Variants in PABPC4L observed in about 807,000 individuals in gnomAD.
The protein encoded by PABPC4L is polyadenylate-binding protein 4-like.
For synonymous variants in PABPC4L, 169 were observed against 164.1 expected (o/e 1.03, Z -0.23); for missense variants, 452 against 451.4 (o/e 1.00, Z -0.01).
the PABPC4L span, among the ~76,000 whole-genome samples, chr4:133,949,267 T>C: frequency 6.6e-6 from 1 of 152,220 alleles, no homozygotes; most frequent in Non-Finnish European, 1.5e-5. Flanking sequence ...TAAATATTTG[T>C]CTGCTTATGA....
chr4:134,190,009 G>A, the PABPC4L span, among the ~76,000 whole-genome samples: 1 of 152,070 alleles, frequency 6.6e-6, no homozygotes, highest in Non-Finnish European at 1.5e-5. Flanking sequence ...CTGCTCCTGG[G>A]AAAGCTCCGG....
the PABPC4L span, among the ~76,000 whole-genome samples, chr4:134,068,015 T>C: frequency 6.6e-6 from 1 of 152,172 alleles, no homozygotes; most frequent in East Asian, 1.9e-4. Flanking sequence ...GGCAGAGTGC[T>C]CTTTAGATAT....
intron 1 of PABPC4L, among the ~76,000 whole-genome samples, 190 bp downstream of exon 1, chr4:134,201,528 G>GCGC (rs1237489062): frequency 9.9e-5 from 15 of 152,112 alleles, no homozygotes; most frequent in Admixed American, 5.2e-4. Context: ...GGTTCTGCAG[G>GCGC]CGCCGCCGCC....
the PABPC4L span, among the ~76,000 whole-genome samples, chr4:134,027,634 T>A: frequency 6.6e-6 from 1 of 152,276 alleles, no homozygotes; most frequent in East Asian, 1.9e-4. Flanking sequence ...TTGTATTTTT[T>A]ATTTTTTGAG....
the PABPC4L span, among the ~76,000 whole-genome samples, chr4:133,957,003 A>G: frequency 6.6e-6 from 1 of 152,132 alleles, no homozygotes; most frequent in African/African-American, 2.4e-5. Flanking sequence ...TGGGGACACA[A>G]TCAAACCATA....
the PABPC4L span, among the ~76,000 whole-genome samples, chr4:134,135,251 A>G: frequency 6.6e-6 from 1 of 152,032 alleles, no homozygotes; most frequent in Admixed American, 6.6e-5. Context: ...GTAAGTGAGC[A>G]AGTTTTCTGG....
the PABPC4L span, among the ~76,000 whole-genome samples, chr4:133,965,451 C>G: frequency 1.3e-5 from 2 of 151,662 alleles, no homozygotes; most frequent in African/African-American, 4.8e-5. Context: ...TCTTTCTTCA[C>G]AGAAAGAAAA....
At chr4:134,170,892 G>A in the PABPC4L span, among the ~76,000 whole-genome samples, 1 of 152,126 alleles carries the variant, frequency 6.6e-6, no homozygotes, top group African/African-American at 2.4e-5. Flanking sequence ...TCTTTTAAGT[G>A]CTTTGAGATA....
the PABPC4L span, among the ~76,000 whole-genome samples, chr4:134,118,360 T>C: frequency 1.3e-5 from 2 of 151,844 alleles, no homozygotes; most frequent in African/African-American, 2.4e-5. Flanking sequence ...CTATGTGGAA[T>C]AGCACACTCC....
the PABPC4L span, among the ~76,000 whole-genome samples, chr4:134,183,131 T>C: frequency 4.6e-5 from 7 of 152,098 alleles, no homozygotes; most frequent in South Asian, 1.5e-3. Flanking sequence ...ATATAAATTA[T>C]TCTAACACAA....
At chr4:134,046,911 C>G in the PABPC4L span, among the ~76,000 whole-genome samples, 1 of 152,134 alleles carries the variant, frequency 6.6e-6, no homozygotes, top group South Asian at 2.1e-4. Context: ...TAGTACAGAT[C>G]AAAATGGAAT....
chr4:134,046,555 A>G, the PABPC4L span, among the ~76,000 whole-genome samples: 2 of 151,906 alleles, frequency 1.3e-5, no homozygotes, highest in Non-Finnish European at 2.9e-5. Context: ...CCTCCTCAGC[A>G]CAGACCCCTT....
At chr4:133,968,409 G>C in the PABPC4L span, among the ~76,000 whole-genome samples, 3 of 152,184 alleles carry the variant, frequency 2.0e-5, no homozygotes, top group African/African-American at 7.2e-5. Context: ...GAAATAAAGG[G>C]TGGAGCTAAT....
chr4:134,070,688 T>A, the PABPC4L span, among the ~76,000 whole-genome samples: 68 of 152,044 alleles, frequency 4.5e-4, no homozygotes, highest in African/African-American at 1.6e-3. Context: ...GCAGGTGAAC[T>A]GGTACATGTT....
the PABPC4L span, among the ~76,000 whole-genome samples, chr4:134,155,064 G>A: frequency 2.0e-5 from 3 of 151,984 alleles, no homozygotes; most frequent in Non-Finnish European, 4.4e-5. Flanking sequence ...AAGCTGAAAT[G>A]ACAATTCATA....
chr4:133,968,667 A>C, the PABPC4L span, among the ~76,000 whole-genome samples: 1 of 152,176 alleles, frequency 6.6e-6, no homozygotes, highest in East Asian at 1.9e-4. Context: ...ACGGATAACT[A>C]GCCAGAAGTT....
chr4:133,964,272 G>C, the PABPC4L span, among the ~76,000 whole-genome samples: 28 of 151,574 alleles, frequency 1.8e-4, no homozygotes, highest in South Asian at 1.9e-3. Flanking sequence ...AAATCAGAAA[G>C]AATTAGATAC....
At chr4:134,069,318 A>G in the PABPC4L span, among the ~76,000 whole-genome samples, 1 of 152,196 alleles carries the variant, frequency 6.6e-6, no homozygotes, top group Admixed American at 6.5e-5. Flanking sequence ...ATCATGTTGT[A>G]TAGTATCTCA....
the PABPC4L span, among the ~76,000 whole-genome samples, chr4:134,046,788 C>T: frequency 6.6e-6 from 1 of 152,214 alleles, no homozygotes; most frequent in Non-Finnish European, 1.5e-5. Context: ...AAGGCACATC[C>T]TGCACAGCCC....
Sources: gnomAD v4.1 joint callset for allele counts (sites outside exome capture counted in the v4.1 genomes callset) on GRCh38, gnomAD v4.1.1 for gene constraint, MANE v1.5 for transcripts, NCBI Gene and HGNC (gene_info 2026-07-23, HGNC 2026-07-21) for gene names.